The following GRIK1 variants were observed in gnomAD, a reference collection of about 807,000 sequenced individuals.
The protein encoded by GRIK1 is glutamate ionotropic receptor kainate type subunit 1.
GRIK1 carries 69 observed loss-of-function variants against 105.7 expected under a neutral mutation model. The ratio of observed to expected loss-of-function variants is 0.65; its 90% CI spans 0.54 to 0.80. GRIK1 has a LOEUF of 0.80. GRIK1 is among the 30% of genes least tolerant of loss of function. The pLI is 0.00. For synonymous variants in GRIK1, 438 were observed against 431.3 expected (o/e 1.02, Z -0.19); for missense variants, 1,109 against 1,167.3 (o/e 0.95, Z 0.73).
chr21:29,601,794 A>G (rs1257515015), intron 7 of GRIK1, among the ~76,000 whole-genome samples: 1 of 152,184 alleles, frequency 6.6e-6, no homozygotes, highest in Non-Finnish European at 1.5e-5. Flanking sequence ...AAATCCTTAT[A>G]TCCTCAATTG....
chr21:29,907,158 T>C (rs565364995), intron 1 of GRIK1, among the ~76,000 whole-genome samples: 1 of 152,114 alleles, frequency 6.6e-6, no homozygotes, highest in Non-Finnish European at 1.5e-5. Flanking sequence ...TTTTTGTTTT[T>C]CTACTCTTAC....
At chr21:29,739,628 C>A (rs995873123) in intron 1 of GRIK1, among the ~76,000 whole-genome samples, 1 of 152,162 alleles carries the variant, frequency 6.6e-6, no homozygotes, top group Non-Finnish European at 1.5e-5. Context: ...GGTCTTCAGA[C>A]ATTTTTGTTC....
Position 29,924,803 on chromosome 21 carries a change from T to C in GRIK1, c.118+14580A>G, listed in dbSNP as rs114036058. Among the ~76,000 whole-genome samples the C allele has an allele frequency of 3.6e-3, 548 of 152,300 alleles. 5 individuals carry two copies. The highest frequency in any genetic ancestry group is 0.013 in the African/African-American group (530 of 41,568). Reference sequence around the variant, plus strand: ...TCTTCTATTTAACAAGGTACCTTATTTGGGTTTCTTAATTTCATAGAAGGA... The same window carrying C: ...TCTTCTATTTAACAAGGTACCTTATCTGGGTTTCTTAATTTCATAGAAGGA... On this transcript the variant is annotated intron_variant, in intron 1 of 17. Coordinates refer to ENST00000327783, the MANE Select transcript of GRIK1 (RefSeq NM_001330994.2).
chr21:29,888,220 T>TTTCTTC (rs1601949167), intron 1 of GRIK1, among the ~76,000 whole-genome samples: 2 of 106,094 alleles, frequency 1.9e-5, no homozygotes, highest in African/African-American at 7.2e-5. Flanking sequence ...TCTCTCTCTC[T>TTTCTTC]CTCTCTCTCT....
intron 1 of GRIK1, among the ~76,000 whole-genome samples, chr21:29,764,749 C>G (rs1011464860): frequency 1.3e-5 from 2 of 152,010 alleles, no homozygotes; most frequent in Admixed American, 6.6e-5. Flanking sequence ...CAGAAAGGTA[C>G]CTGCTCCTCA....
At chr21:29,570,733 C>CTATT (rs961431267) in intron 14 of GRIK1, among the ~76,000 whole-genome samples, 3 of 151,944 alleles carry the variant, frequency 2.0e-5, no homozygotes, top group Admixed American at 6.6e-5. Flanking sequence ...ACCAAATAGG[C>CTATT]TATTGTATTT....
chr21:29,807,067 T>G (rs1039115147), intron 1 of GRIK1, among the ~76,000 whole-genome samples: 1 of 152,190 alleles, frequency 6.6e-6, no homozygotes, highest in African/African-American at 2.4e-5. Context: ...TTCCGGCTCT[T>G]GAGGGCATTT....
At chr21:29,847,140 G>T (rs550190787) in intron 1 of GRIK1, among the ~76,000 whole-genome samples, 33 of 151,848 alleles carry the variant, frequency 2.2e-4, no homozygotes, top group Non-Finnish European at 3.8e-4. Context: ...TAATTTTAAG[G>T]CTTGCTAGAG....
intron 1 of GRIK1, among the ~76,000 whole-genome samples, chr21:29,828,912 A>G (rs922519246): frequency 2.0e-5 from 3 of 152,176 alleles, no homozygotes; most frequent in Admixed American, 1.3e-4. Flanking sequence ...GTCACATAAC[A>G]GAGCGATATT....
At chr21:29,903,959 T>C (rs939422275) in intron 1 of GRIK1, among the ~76,000 whole-genome samples, 3 of 152,220 alleles carry the variant, frequency 2.0e-5, no homozygotes, top group Admixed American at 2.0e-4. Context: ...AAAGGATGAG[T>C]TCATTTCCTT....
At chr21:29,644,103 T>C (rs987906370) in intron 6 of GRIK1, among the ~76,000 whole-genome samples, 7 of 152,176 alleles carry the variant, frequency 4.6e-5, no homozygotes, top group Admixed American at 2.0e-4. Context: ...TTTTCCAAAA[T>C]TGGTTGATTC....
chr21:29,882,621 A>G (rs865801758), intron 1 of GRIK1, among the ~76,000 whole-genome samples: 28 of 152,094 alleles, frequency 1.8e-4, no homozygotes, highest in Non-Finnish European at 1.0e-4. Flanking sequence ...TGCGCAAAGA[A>G]CTTACAAAGG....
intron 1 of GRIK1, among the ~76,000 whole-genome samples, chr21:29,862,319 CT>C (rs1388570394): frequency 2.0e-5 from 3 of 152,172 alleles, no homozygotes; most frequent in Non-Finnish European, 4.4e-5. Context: ...TTTTCTTCAT[CT>C]TTTTTCCTCC....
intron 7 of GRIK1, among the ~76,000 whole-genome samples, chr21:29,632,594 G>A (rs1290450952): frequency 6.6e-6 from 1 of 151,972 alleles, no homozygotes; most frequent in East Asian, 1.9e-4. Flanking sequence ...ATATATATGT[G>A]TAAAATGATA....
At chr21:29,594,374 C>A (rs1734484811) in intron 9 of GRIK1, among the ~76,000 whole-genome samples, 1 of 152,130 alleles carries the variant, frequency 6.6e-6, no homozygotes, top group Non-Finnish European at 1.5e-5. Flanking sequence ...TAAGAAGATG[C>A]CTGGACATTT....
chr21:29,772,044 G>T (rs1241176380), intron 1 of GRIK1, among the ~76,000 whole-genome samples: 1 of 152,164 alleles, frequency 6.6e-6, no homozygotes, highest in African/African-American at 2.4e-5. Context: ...TAGTTTATTC[G>T]TTGGAACTTG....
At chr21:29,653,443 G>A (rs992701445) in intron 5 of GRIK1, among the ~76,000 whole-genome samples, 4 of 152,172 alleles carry the variant, frequency 2.6e-5, no homozygotes, top group Non-Finnish European at 5.9e-5. Context: ...GGGTGAAGAG[G>A]AATAAAAGTG....
intron 15 of GRIK1, among the ~76,000 whole-genome samples, chr21:29,560,971 C>A (rs182900169): frequency 1.3e-5 from 2 of 152,146 alleles, no homozygotes; most frequent in East Asian, 3.9e-4. Flanking sequence ...CACTAATTAC[C>A]CCTTAAATTC....
chr21:29,636,140 A>G (rs978195981), intron 7 of GRIK1, among the ~76,000 whole-genome samples: 2 of 152,180 alleles, frequency 1.3e-5, no homozygotes, highest in Admixed American at 6.5e-5. Flanking sequence ...GAAAGGAGAA[A>G]GAGGAGAAGG....
Sources: gnomAD v4.1 joint callset for allele counts (sites outside exome capture counted in the v4.1 genomes callset) on GRCh38, gnomAD v4.1.1 for gene constraint, MANE v1.5 for transcripts, NCBI Gene and HGNC (gene_info 2026-07-23, HGNC 2026-07-21) for gene names.